The following PLOD2 variants were observed in gnomAD, a reference collection of about 807,000 sequenced individuals.
The protein encoded by PLOD2 is lysine hydroxylase 2.
In PLOD2, 65 loss-of-function variants were observed where a neutral mutation model predicts 101.0. The observed-to-expected ratio is 0.64, with a 90% CI of 0.53 to 0.79. PLOD2 has a LOEUF of 0.79. Ranked by LOEUF, PLOD2 falls within the 30% of genes least tolerant of loss-of-function variation. The pLI is 0.00. For missense variants in PLOD2, 909 were observed against 914.6 expected (o/e 0.99, Z 0.08); for synonymous variants, 314 against 302.9 (o/e 1.04, Z -0.38).
At chr3:146,119,711 C>A (rs564600183) in intron 3 of PLOD2, among the ~76,000 whole-genome samples, 1 of 150,950 alleles carries the variant, frequency 6.6e-6, no homozygotes, top group African/African-American at 2.4e-5. Flanking sequence ...TTTGTCCTTG[C>A]GATAGTTTGC....
rs1448669750 is a variant in PLOD2, at chr3:146,124,119, G to A, written c.201+19C>T. 2.4e-6 allele frequency: 3 copies of A among 1,273,778 alleles called. No individual in the cohort carries two copies. Among genetic ancestry groups the A allele is most frequent in the Admixed American group, 1.7e-5 (1 of 59,408 alleles). 78.9% of individuals were successfully genotyped at this position (1,273,778 alleles called of 1,614,324 possible). A position where few individuals can be genotyped will look rare whatever the true frequency, so the allele number is the denominator to read the frequency against. ...GGCACACATTATAGGATCTTCATAG[G>A]TTAAAGGATATACCATACCTTCACA... On this transcript the variant is annotated intron_variant, in intron 2 of 19. Transcript: ENST00000282903.
At chr3:146,117,965 G>C (rs1474341563) in intron 3 of PLOD2, among the ~76,000 whole-genome samples, 2 of 152,156 alleles carry the variant, frequency 1.3e-5, no homozygotes, top group East Asian at 3.9e-4. Context: ...TGATGCGAGA[G>C]TGATGGTAGA....
At chr3:146,092,816 T>A (rs3804663) in intron 7 of PLOD2, among the ~76,000 whole-genome samples, 1 of 151,984 alleles carries the variant, frequency 6.6e-6, no homozygotes, top group Non-Finnish European at 1.5e-5. Flanking sequence ...GGGAAGATCC[T>A]GCTGAGTAAA....
At chr3:146,138,033 A>G (rs1436357653) in intron 1 of PLOD2, among the ~76,000 whole-genome samples, 1 of 152,128 alleles carries the variant, frequency 6.6e-6, no homozygotes, top group Non-Finnish European at 1.5e-5. Flanking sequence ...CATTATTCAA[A>G]AGACAGGAAA....
chr3:146,127,721 C>A (rs2030656156), intron 1 of PLOD2, among the ~76,000 whole-genome samples: 1 of 152,026 alleles, frequency 6.6e-6, no homozygotes, highest in Admixed American at 6.6e-5. Flanking sequence ...AGATACTTCT[C>A]AAACGAAGAA....
rs560862921 is a variant in PLOD2, at chr3:146,148,272, C to A, written c.109+12609G>T. Among the ~76,000 whole-genome samples the A allele has an allele frequency of 2.0e-5, 3 of 151,370 alleles. No individual in the cohort carries two copies. In the South Asian group the frequency reaches 6.3e-4, roughly 32 times the overall value. On this transcript the variant is annotated intron_variant, in intron 1 of 19. Coordinates refer to ENST00000282903, the MANE Select transcript of PLOD2 (RefSeq NM_182943.3). ...ATATTAAGATCATGTTAAAAATAATCTTTACCCGTTTCAAATATCTAATAG... is the reference window on the plus strand; with the variant it reads ...ATATTAAGATCATGTTAAAAATAATATTTACCCGTTTCAAATATCTAATAG...
intron 16 of PLOD2, 55 bp from the exon 17 acceptor site, chr3:146,072,720 C>G (rs1576569632): frequency 8.6e-6 from 9 of 1,042,444 alleles, no homozygotes; most frequent in Non-Finnish European, 1.3e-5. Context: ...TCTTAATAGT[C>G]TAAAATAGTT....
intron 3 of PLOD2, among the ~76,000 whole-genome samples, chr3:146,111,482 G>A (rs1210675624): frequency 6.6e-6 from 1 of 151,908 alleles, no homozygotes; most frequent in African/African-American, 2.4e-5. Flanking sequence ...ATATCCTCAA[G>A]TTATAATTTA....
At chr3:146,128,817 G>A (rs1319399994) in intron 1 of PLOD2, among the ~76,000 whole-genome samples, 1 of 143,492 alleles carries the variant, frequency 7.0e-6, no homozygotes, top group Non-Finnish European at 1.5e-5. Flanking sequence ...AAAACAGAAA[G>A]TGTTTTTGCT....
chr3:146,073,329 G>T lies in PLOD2; in HGVS notation c.1701C>A (p.Asn567Lys), dbSNP rs771845834. 1.3e-5 allele frequency: 16 copies of T among 1,220,454 alleles called. No homozygotes were observed. In the African/African-American group the frequency reaches 2.1e-4, roughly 16 times the overall value. 75.6% of individuals were successfully genotyped at this position (1,220,454 alleles called of 1,614,324 possible). Residue 567 changes from asparagine (N) to lysine (K), a missense_variant, in exon 16 of 20, where the codon AAC becomes AAA. Asn to Lys is a moderately conservative substitution (Grantham distance 94). Transcript: ENST00000282903. ...CAGTGAAAATCTTTGAATAATCACG[G>T]TTTATATACTTTTCCTTCCAGTCCT... Reference protein sequence around the residue: ...NPVDWKEKYINRDYSKIFTEN... With the variant: ...NPVDWKEKYIKRDYSKIFTEN...
chr3:146,127,685 G>A (rs1456546182), intron 1 of PLOD2, among the ~76,000 whole-genome samples: 1 of 152,004 alleles, frequency 6.6e-6, no homozygotes, highest in East Asian at 1.9e-4. Flanking sequence ...CCTTTGAGTA[G>A]ATACCCAGTA....
chr3:146,120,529 T>G (rs1229628121), intron 3 of PLOD2, among the ~76,000 whole-genome samples: 1 of 152,124 alleles, frequency 6.6e-6, no homozygotes, highest in Non-Finnish European at 1.5e-5. Context: ...GAAGAAAACC[T>G]AGGCAATACC....
At chr3:146,093,916 G>C (rs1049400391) in intron 7 of PLOD2, among the ~76,000 whole-genome samples, 12 of 152,106 alleles carry the variant, frequency 7.9e-5, no homozygotes, top group African/African-American at 2.7e-4. Context: ...TTGTTTCCTA[G>C]ATAACTAAGA....
intron 1 of PLOD2, among the ~76,000 whole-genome samples, chr3:146,142,900 C>G (rs576964441): frequency 6.6e-6 from 1 of 152,136 alleles, no homozygotes; most frequent in Non-Finnish European, 1.5e-5. Context: ...TGCAGCAGCA[C>G]TGATCTTACA....
chr3:146,081,611 G>A, intron 12 of PLOD2, 127 bp downstream of exon 12: 1 of 696,720 alleles, frequency 1.4e-6, no homozygotes, highest in Non-Finnish European at 2.4e-6. Context: ...AAGTGGTCTT[G>A]GGTTCTCAAA....
chr3:146,096,348 G>A (rs1330914709), intron 7 of PLOD2, among the ~76,000 whole-genome samples: 1 of 92,168 alleles, frequency 1.1e-5, no homozygotes, highest in African/African-American at 4.6e-5. Context: ...GCCACCCATC[G>A]TCTGGGATAT....
chr3:146,091,999 A>G (rs1223712475), intron 7 of PLOD2, 98 bp from the exon 8 acceptor site: 2 of 716,556 alleles, frequency 2.8e-6, no homozygotes, highest in Non-Finnish European at 5.1e-6. Flanking sequence ...TTTCTGCAGC[A>G]GGTATATTCC....
chr3:146,152,326 A>G (rs373973260), intron 1 of PLOD2, among the ~76,000 whole-genome samples: 1 of 152,276 alleles, frequency 6.6e-6, no homozygotes, highest in East Asian at 1.9e-4. Context: ...AGGCTGAGGC[A>G]GGAGCATCGC....
Position 146,071,417 on chromosome 3 carries a change from G to A in PLOD2, c.1855C>T (p.Arg619Cys), listed in dbSNP as rs759871520. Residue 619 changes from arginine to cysteine, a missense_variant, in exon 18 of 20, where the codon CGT (arginine) becomes TGT (cysteine). By Grantham distance (180) the Arg-to-Cys change is radical. Transcript: ENST00000282903. Reference sequence around the variant, plus strand: ...ACATTTTCATAACCACCAGATATACGGCTATCCTAGAAACAACATTAATGA... The same window carrying A: ...ACATTTTCATAACCACCAGATATACAGCTATCCTAGAAACAACATTAATGA... ...KWSGGKHHDS[R>C]ISGGYENVPT... 8.1e-6 allele frequency: 13 copies of A among 1,610,956 alleles called. No individual in the cohort carries two copies. The highest frequency in any genetic ancestry group is 4.0e-5 in the African/African-American group (3 of 74,674).
Sources: allele counts gnomAD v4.1 joint callset (sites outside exome capture counted in the v4.1 genomes callset), GRCh38; gene constraint gnomAD v4.1.1; transcripts MANE v1.5; gene names NCBI Gene and HGNC (gene_info 2026-07-23, HGNC 2026-07-21).